Variants in LIMCH1 observed in about 807,000 individuals in gnomAD.
LIMCH1 encodes the protein LIM and calponin homology domains-containing protein 1.
A neutral mutation model predicts 176.5 loss-of-function variants in LIMCH1; 113 were observed. The ratio of observed to expected loss-of-function variants is 0.64; its 90% CI spans 0.55 to 0.75. LIMCH1 has a LOEUF of 0.75. Among genes scored for constraint, LIMCH1 ranks in the 30% least tolerant of loss-of-function variants. The probability of loss-of-function intolerance (pLI) is 0.00; values close to 1 mark genes in which losing one functional copy is unlikely to be tolerated. For synonymous variants in LIMCH1, 619 were observed against 645.9 expected, an observed-to-expected ratio of 0.96 and a Z score of 0.63; for missense variants, 1,674 against 1,814.9, an observed-to-expected ratio of 0.92 and a Z score of 1.41.
chr4:41,625,666 C>T (rs28408858), intron 7 of LIMCH1, among the ~76,000 whole-genome samples: 11,858 of 152,042 alleles, frequency 0.078, 1,569 homozygotes, highest in African/African-American at 0.27. Context: ...AAATTGAGAT[C>T]ACTTGAAATG....
intron 1 of LIMCH1, among the ~76,000 whole-genome samples, chr4:41,444,311 T>TAC (rs1554050450): frequency 7.0e-4 from 50 of 71,204 alleles, no homozygotes; most frequent in East Asian, 1.0e-3. Flanking sequence ...TGTGTATATA[T>TAC]ATACACACAC....
At chr4:41,687,557 A>G (rs1377973296) in intron 28 of LIMCH1, among the ~76,000 whole-genome samples, 2 of 152,142 alleles carry the variant, frequency 1.3e-5, no homozygotes, top group Non-Finnish European at 1.5e-5. Flanking sequence ...GAAATTAACT[A>G]AAAATAAAGA....
chr4:41,374,485 T>C (rs1561165455), intron 1 of LIMCH1, among the ~76,000 whole-genome samples: 1 of 152,224 alleles, frequency 6.6e-6, no homozygotes, highest in East Asian at 1.9e-4. Context: ...TCAAGAGTTG[T>C]AAGTAGTATG....
chr4:41,408,843 G>A (rs918935786), intron 1 of LIMCH1, among the ~76,000 whole-genome samples: 2 of 152,102 alleles, frequency 1.3e-5, no homozygotes, highest in East Asian at 1.9e-4. Flanking sequence ...ACAACTATTG[G>A]CCCCAACAAA....
chr4:41,483,730 T>C (rs749753610), intron 1 of LIMCH1, among the ~76,000 whole-genome samples: 1 of 152,224 alleles, frequency 6.6e-6, no homozygotes, highest in Non-Finnish European at 1.5e-5. Flanking sequence ...TGTATCTGCC[T>C]GGAGCGCCCT....
intron 2 of LIMCH1, among the ~76,000 whole-genome samples, chr4:41,522,014 AG>A: frequency 6.6e-6 from 1 of 152,322 alleles, no homozygotes; most frequent in East Asian, 1.9e-4. Context: ...GAGGACAAAA[AG>A]CATACCTCTT....
chr4:41,584,384 G>A (rs2086073947), intron 1 of LIMCH1, among the ~76,000 whole-genome samples: 1 of 152,158 alleles, frequency 6.6e-6, no homozygotes. Flanking sequence ...TGAATATGAT[G>A]TGAAAATACA....
intron 22 of LIMCH1, among the ~76,000 whole-genome samples, chr4:41,672,913 A>G (rs1390592439): frequency 6.6e-6 from 1 of 152,198 alleles, no homozygotes; most frequent in Non-Finnish European, 1.5e-5. Context: ...CAGTAAGATG[A>G]CAGTACTTTT....
chr4:41,623,931 TAG>T (rs2092766118), intron 7 of LIMCH1, among the ~76,000 whole-genome samples: 1 of 152,204 alleles, frequency 6.6e-6, no homozygotes, highest in African/African-American at 2.4e-5. Context: ...TAATATTTAT[TAG>T]AGTTTCCACT....
intron 1 of LIMCH1, among the ~76,000 whole-genome samples, chr4:41,400,804 G>A (rs2058354246): frequency 1.3e-5 from 2 of 152,158 alleles, no homozygotes; most frequent in Non-Finnish European, 2.9e-5. Flanking sequence ...ATCACACCGT[G>A]CACCATGAAA....
intron 1 of LIMCH1, among the ~76,000 whole-genome samples, chr4:41,403,159 G>T (rs530401445): frequency 5.7e-4 from 87 of 151,798 alleles, no homozygotes; most frequent in Middle Eastern, 3.4e-3. Context: ...TGCTGTAAAA[G>T]TGCCTCAGCT....
At position 41,671,537 on chromosome 4, in the gene LIMCH1, C is replaced by CT. The variant is rs771661931; in HGVS notation, c.3398-9dup. 2.3e-5 allele frequency: 36 copies of CT among 1,593,976 alleles called. No individual in the cohort carries two copies. Among genetic ancestry groups the CT allele is most frequent in the East Asian group, 4.5e-5 (2 of 44,726 alleles). On this transcript the variant is annotated splice_polypyrimidine_tract_variant and intron_variant, in intron 21 of 31. Transcript: ENST00000503057. The stretch of plus-strand genomic sequence containing the variant: ...TCACATTCATATCTTTTTTTTCTTT[C>CT]TTTTTTTTCTGTGCAGTGGATTCTC...
Position 41,367,883 on chromosome 4 carries a change from A to AG in LIMCH1, c.96+6947_96+6948insG, listed in dbSNP as rs1246386147. 5.1e-3 allele frequency among the ~76,000 whole-genome samples: 776 copies of AG among 150,818 alleles called. 8 individuals are homozygous for AG. The highest frequency in any genetic ancestry group is 0.018 in the African/African-American group (751 of 41,158). On this transcript the variant is annotated intron_variant, in intron 1 of 26. Coordinates refer to the LIMCH1 transcript ENST00000313860. Reference sequence around the variant, plus strand: ...CTCCATCATAAAAAAAAAAAAAAAAAAAAGAAATCAAGGTCAAGAACAGAA... The same window carrying AG: ...CTCCATCATAAAAAAAAAAAAAAAAAGAAAGAAATCAAGGTCAAGAACAGAA...
At chr4:41,684,737 C>A (rs1719245611) in intron 27 of LIMCH1, among the ~76,000 whole-genome samples, 1 of 151,636 alleles carries the variant, frequency 6.6e-6, no homozygotes, top group Non-Finnish European at 1.5e-5. Flanking sequence ...CGTGTTCGCA[C>A]TTAAAAAAAA....
At chr4:41,469,262 T>C (rs2066598964) in intron 1 of LIMCH1, among the ~76,000 whole-genome samples, 2 of 152,342 alleles carry the variant, frequency 1.3e-5, no homozygotes, top group Middle Eastern at 3.4e-3. Context: ...TTGATCTTGC[T>C]CCTTCTTCAG....
At chr4:41,500,882 G>A (rs2073143075) in intron 2 of LIMCH1, among the ~76,000 whole-genome samples, 1 of 152,186 alleles carries the variant, frequency 6.6e-6, no homozygotes, top group African/African-American at 2.4e-5. Flanking sequence ...AGTGGAGGAT[G>A]GAGGGGTTTC....
At chr4:41,679,283 C>T (rs1311312357) in intron 23 of LIMCH1, among the ~76,000 whole-genome samples, 3 of 152,150 alleles carry the variant, frequency 2.0e-5, no homozygotes, top group Non-Finnish European at 1.5e-5. Flanking sequence ...ATTTTAATCC[C>T]CATTTATTCA....
chr4:41,500,245 G>C (rs1015862805), intron 2 of LIMCH1, among the ~76,000 whole-genome samples: 2 of 152,214 alleles, frequency 1.3e-5, no homozygotes. Flanking sequence ...AATGGCTTTA[G>C]TATCTATTGA....
rs761242598 is a variant in LIMCH1 at position 41,626,761 on chromosome 4, A to G, written c.779A>G (p.Lys260Arg). ...GCTATTCGTGATATTGTCCTTCGCA[A>G]AGAAAACTCTTTCCTGACCCACCAA... is the stretch of plus-strand genomic sequence containing the variant. ...KEAIRDIVLR[K>R]ENSFLTHQHG... The change falls in exon 8 of 32, where the codon AAA (lysine) becomes AGA (arginine). Residue 260 changes from lysine to arginine, a missense_variant. Lys to Arg is a conservative substitution (Grantham distance 26). Coordinates refer to ENST00000503057, the MANE Select transcript of LIMCH1 (RefSeq NM_001330672.2). 2 of 1,536,428 alleles carry G rather than the reference A, an allele frequency of 1.3e-6. No homozygotes were observed. The highest frequency in any genetic ancestry group is 2.4e-5 in the South Asian group (2 of 84,062).
Sources: gnomAD v4.1 joint callset for allele counts (sites outside exome capture counted in the v4.1 genomes callset) on GRCh38, gnomAD v4.1.1 for gene constraint, MANE v1.5 for transcripts, NCBI Gene and HGNC (gene_info 2026-07-23, HGNC 2026-07-21) for gene names.